EPB41L4A: variants seen among roughly 807,000 people sequenced by gnomAD.
The protein encoded by EPB41L4A is erythrocyte membrane protein band 4.1 like 4A.
A neutral mutation model predicts 108.6 loss-of-function variants in EPB41L4A; 100 were observed. The observed-to-expected ratio is 0.92, with a 90% confidence interval of 0.78 to 1.09. The LOEUF (loss-of-function observed/expected upper bound fraction) is 1.09, where lower values mean the gene tolerates loss of function less well. Ranked by LOEUF, EPB41L4A falls within the 50% of genes least tolerant of loss-of-function variation. The pLI, the probability that EPB41L4A is intolerant of heterozygous loss-of-function variation, is 0.00. For synonymous variants in EPB41L4A, 319 were observed against 289.0 expected (o/e 1.10, Z -1.05); for missense variants, 1,030 against 842.7 (o/e 1.22, Z -2.75).
chr5:112,146,480 C>G (rs1445846831), intron 12 of EPB41L4A, among the ~76,000 whole-genome samples: 2 of 152,246 alleles, frequency 1.3e-5, no homozygotes, highest in Admixed American at 1.3e-4. Context: ...CCCAAAGACT[C>G]TTGCACCATC....
chr5:112,178,623 A>G (rs1760992388), intron 18 of EPB41L4A, among the ~76,000 whole-genome samples: 1 of 152,008 alleles, frequency 6.6e-6, no homozygotes, highest in African/African-American at 2.4e-5. Context: ...AATAATAATA[A>G]TATTTGTAGA....
intron 12 of EPB41L4A, chr5:112,228,679 A>G (rs1325379846): frequency 2.0e-6 from 2 of 983,878 alleles, no homozygotes; most frequent in Non-Finnish European, 2.4e-6. Flanking sequence ...TACAGCAGAG[A>G]CGATCTCCTT....
chr5:112,296,955 TGAG>T (rs1754025699), intron 2 of EPB41L4A, among the ~76,000 whole-genome samples: 1 of 151,592 alleles, frequency 6.6e-6, no homozygotes. Flanking sequence ...ATTTTATGGC[TGAG>T]TAGTATTCCA....
chr5:112,229,196 T>C (rs1325617478), intron 12 of EPB41L4A, among the ~76,000 whole-genome samples: 2 of 152,194 alleles, frequency 1.3e-5, no homozygotes, highest in Admixed American at 6.5e-5. Context: ...AAAAATTATA[T>C]ACAAATGTTT....
chr5:112,150,029 C>T (rs1236344522), intron 12 of EPB41L4A, among the ~76,000 whole-genome samples: 1 of 152,122 alleles, frequency 6.6e-6, no homozygotes, highest in Non-Finnish European at 1.5e-5. Context: ...AGAAGAGAAA[C>T]AGTAGGGATG....
At chr5:112,160,236 G>A (rs1302224417), downstream of EPB41L4A, among the ~76,000 whole-genome samples, 1 of 152,038 alleles carries the variant, frequency 6.6e-6, no homozygotes, top group Non-Finnish European at 1.5e-5. Context: ...TGTGGCAATT[G>A]GAAAATTTAA....
rs373668015 is a variant in EPB41L4A at position 112,352,089 on chromosome 5, T to G, written c.100-44599A>C. Among the ~76,000 whole-genome samples, 19 of 152,338 alleles carry G rather than the reference T, an allele frequency of 1.2e-4. No individual in the cohort carries two copies. The East Asian group carries it at 3.1e-3, about 25-fold the overall frequency. ...AGCTATCTTTTTAAAAAAAACACTT[T>G]CTCATTTCATTGGTCCTTGTATTTT... On this transcript the variant is annotated intron_variant, in intron 1 of 22. Transcript: ENST00000261486.
At chr5:112,171,563 T>A (rs970198542) in intron 18 of EPB41L4A, among the ~76,000 whole-genome samples, 1 of 152,270 alleles carries the variant, frequency 6.6e-6, no homozygotes, top group Non-Finnish European at 1.5e-5. Context: ...GCTGCCACCC[T>A]CTTTACGCCC....
At chr5:112,277,063 G>C (rs140294858) in intron 3 of EPB41L4A, among the ~76,000 whole-genome samples, 87 of 152,280 alleles carry the variant, frequency 5.7e-4, no homozygotes, top group African/African-American at 2.0e-3. Context: ...ATGTCAGGGA[G>C]GCACAGACTA....
At chr5:112,390,224 A>AT (rs1760843943) in intron 1 of EPB41L4A, among the ~76,000 whole-genome samples, 1 of 152,174 alleles carries the variant, frequency 6.6e-6, no homozygotes, top group South Asian at 2.1e-4. Flanking sequence ...ACAGAGGGTG[A>AT]GCCAAAGCAG....
chr5:112,208,290 A>T (rs891520899), intron 13 of EPB41L4A, among the ~76,000 whole-genome samples: 1 of 150,724 alleles, frequency 6.6e-6, no homozygotes, highest in African/African-American at 2.4e-5. Context: ...TGCTCATTGC[A>T]GCACTATTCA....
intron 4 of EPB41L4A, among the ~76,000 whole-genome samples, chr5:112,268,698 T>C (rs1225787973): frequency 2.0e-5 from 3 of 151,350 alleles, no homozygotes; most frequent in Non-Finnish European, 4.4e-5. Flanking sequence ...AAAAAACAAA[T>C]TAGCCAGCCA....
intron 17 of EPB41L4A, among the ~76,000 whole-genome samples, chr5:112,187,160 GAA>G (rs140795272): frequency 0.033 from 5,039 of 152,118 alleles, 312 homozygotes; most frequent in African/African-American, 0.11. Flanking sequence ...TCTCAAAAAG[GAA>G]AAAGAGTCCG....
intron 13 of EPB41L4A, among the ~76,000 whole-genome samples, chr5:112,209,490 TC>T (rs1386566622): frequency 6.6e-6 from 1 of 152,186 alleles, no homozygotes; most frequent in Non-Finnish European, 1.5e-5. Context: ...AAACCCTCTT[TC>T]CAGGGCTACA....
At position 112,209,892 on chromosome 5, in the gene EPB41L4A, C is replaced by CT. The variant is rs34402942; in HGVS notation, c.1177dup (p.Ser393LysfsTer3). ...CGTTTCTTCAGTTAACTTCACTGACCTTTTTACTGGTGAAGGTGCAATAAT... is the reference window on the plus strand; with the variant it reads ...CGTTTCTTCAGTTAACTTCACTGACCTTTTTTACTGGTGAAGGTGCAATAAT... On this transcript the variant is annotated frameshift_variant and splice_region_variant, in exon 13 of 23. Transcript: ENST00000261486. LOFTEE classifies it high-confidence loss of function. The CT allele has an allele frequency of 6.3e-7, 1 of 1,588,934 alleles. No individual in the cohort carries two copies. Among genetic ancestry groups the CT allele is most frequent in the Non-Finnish European group, 8.6e-7 (1 of 1,160,864 alleles).
intron 1 of EPB41L4A, among the ~76,000 whole-genome samples, chr5:112,339,481 T>TAG (rs1757131595): frequency 6.5e-5 from 2 of 30,544 alleles, no homozygotes; most frequent in African/African-American, 3.0e-4. Context: ...TATCTATATA[T>TAG]ATATATATAT....
At position 112,163,576 on chromosome 5, in the gene EPB41L4A, A is replaced by G. The variant is rs574333055; in HGVS notation, c.*1414T>C. 1.3e-5 allele frequency: 2 copies of G among 152,318 alleles called. No individual in the cohort carries two copies. Among genetic ancestry groups the G allele is most frequent in the Middle Eastern group, 3.4e-3 (1 of 294 alleles). 9.4% of individuals were successfully genotyped at this position (152,318 alleles called of 1,614,324 possible). A position where few individuals can be genotyped will look rare whatever the true frequency, so the allele number is the denominator to read the frequency against. On this transcript the variant is annotated 3_prime_UTR_variant, in exon 23 of 23. Coordinates refer to ENST00000261486, the MANE Select transcript of EPB41L4A (RefSeq NM_022140.5). The stretch of plus-strand genomic sequence containing the variant: ...TAAAGAAGCAAAAGAATGTCCTAAA[A>G]ATTCTCCCTGGGATTAAGTAACACA...
intron 1 of EPB41L4A, among the ~76,000 whole-genome samples, chr5:112,372,605 C>A (rs1315181170): frequency 1.3e-5 from 2 of 152,150 alleles, no homozygotes; most frequent in Non-Finnish European, 2.9e-5. Flanking sequence ...ACCTAAGTGA[C>A]TGAGGATGGT....
intron 12 of EPB41L4A, among the ~76,000 whole-genome samples, chr5:112,153,071 T>C (rs991277467): frequency 3.3e-5 from 5 of 151,368 alleles, no homozygotes; most frequent in Admixed American, 2.6e-4. Flanking sequence ...ACACAAACAT[T>C]AGCCTGGCAT....
Sources: allele counts gnomAD v4.1 joint callset (sites outside exome capture counted in the v4.1 genomes callset), GRCh38; gene constraint gnomAD v4.1.1; transcripts MANE v1.5; gene names NCBI Gene and HGNC (gene_info 2026-07-23, HGNC 2026-07-21).